Variants in PARD3 observed in about 807,000 individuals in gnomAD.
PARD3 encodes the protein partitioning defective 3 homolog.
A neutral mutation model predicts 155.4 loss-of-function variants in PARD3; 75 were observed. That is an observed-to-expected ratio of 0.48 (90% CI 0.40 to 0.58). The LOEUF (loss-of-function observed/expected upper bound fraction) is 0.58. PARD3 is among the 20% of genes least tolerant of loss of function. The pLI, the probability that PARD3 is intolerant of heterozygous loss-of-function variation, is 0.00. For missense variants in PARD3, 1,642 were observed against 1,721.7 expected (o/e 0.95, Z 0.82); for synonymous variants, 576 against 610.5 (o/e 0.94, Z 0.83).
chr10:34,537,685 A>T (rs1247109735), intron 2 of PARD3, among the ~76,000 whole-genome samples: 5 of 152,234 alleles, frequency 3.3e-5, no homozygotes, highest in Non-Finnish European at 7.3e-5. Context: ...TAATAAGGAG[A>T]CATGACAGCA....
At chr10:34,135,052 T>C (rs1281178253) in intron 22 of PARD3, among the ~76,000 whole-genome samples, 1 of 152,164 alleles carries the variant, frequency 6.6e-6, no homozygotes, top group Non-Finnish European at 1.5e-5. Flanking sequence ...TTGGTCATGA[T>C]TTTTTTGTGT....
At chr10:34,540,561 G>A (rs2083538352) in intron 2 of PARD3, among the ~76,000 whole-genome samples, 1 of 152,168 alleles carries the variant, frequency 6.6e-6, no homozygotes, top group South Asian at 2.1e-4. Flanking sequence ...CGGGAGACAG[G>A]AGACCAGTCT....
At chr10:34,464,688 T>C (rs1564743380) in intron 4 of PARD3, among the ~76,000 whole-genome samples, 1 of 152,146 alleles carries the variant, frequency 6.6e-6, no homozygotes, top group Non-Finnish European at 1.5e-5. Flanking sequence ...CAACACATAA[T>C]ATAACATTAT....
intron 5 of PARD3, among the ~76,000 whole-genome samples, chr10:34,424,632 A>G (rs2075496850): frequency 6.6e-6 from 1 of 152,054 alleles, no homozygotes; most frequent in Non-Finnish European, 1.5e-5. Flanking sequence ...CTCATTTCTC[A>G]GCCTCAGCAG....
At chr10:34,213,551 ATTG>A (rs1951856065) in intron 22 of PARD3, among the ~76,000 whole-genome samples, 1 of 152,330 alleles carries the variant, frequency 6.6e-6, no homozygotes, top group South Asian at 2.1e-4. Flanking sequence ...TGGAAAGCCT[ATTG>A]GTCTAACTTG....
intron 7 of PARD3, among the ~76,000 whole-genome samples, chr10:34,385,457 T>C (rs748264092): frequency 6.6e-6 from 1 of 152,188 alleles, no homozygotes; most frequent in Non-Finnish European, 1.5e-5. Context: ...ATAAATTTTG[T>C]ATCATGATAT....
chr10:34,298,069 T>C (rs1177360937), intron 20 of PARD3, among the ~76,000 whole-genome samples: 2 of 152,128 alleles, frequency 1.3e-5, no homozygotes, highest in South Asian at 2.1e-4. Flanking sequence ...AATTTCCTCT[T>C]TGGTAAAATG....
At chr10:34,269,107 T>G (rs1375539511) in intron 22 of PARD3, among the ~76,000 whole-genome samples, 1 of 152,134 alleles carries the variant, frequency 6.6e-6, no homozygotes, top group Non-Finnish European at 1.5e-5. Flanking sequence ...CAGTTAACAT[T>G]GCACTCCTGT....
At chr10:34,709,044 A>G (rs2094411278) in intron 1 of PARD3, among the ~76,000 whole-genome samples, 1 of 152,226 alleles carries the variant, frequency 6.6e-6, no homozygotes, top group Non-Finnish European at 1.5e-5. Flanking sequence ...ACATGTACAT[A>G]TACATATAAA....
intron 2 of PARD3, among the ~76,000 whole-genome samples, chr10:34,580,301 A>G (rs560239241): frequency 6.6e-6 from 1 of 152,260 alleles, no homozygotes; most frequent in South Asian, 2.1e-4. Flanking sequence ...TGGGAGGCCA[A>G]AGCAGGTAGA....
At chr10:34,492,344 T>G (rs1280556688) in intron 3 of PARD3, among the ~76,000 whole-genome samples, 1 of 152,020 alleles carries the variant, frequency 6.6e-6, no homozygotes, top group Non-Finnish European at 1.5e-5. Context: ...ACCACACACT[T>G]CAAAACACCG....
intron 1 of PARD3, among the ~76,000 whole-genome samples, chr10:34,746,797 G>C (rs1287936306): frequency 2.0e-5 from 3 of 152,126 alleles, no homozygotes; most frequent in African/African-American, 7.2e-5. Context: ...AAATCAATTG[G>C]AAATAACATA....
chr10:34,698,173 T>TGAAA (rs1468638102), intron 1 of PARD3, among the ~76,000 whole-genome samples: 15 of 152,312 alleles, frequency 9.8e-5, no homozygotes, highest in Non-Finnish European at 1.6e-4. Flanking sequence ...ATGTGGCTTA[T>TGAAA]GAAACCATTC....
chr10:34,686,866 T>C (rs1042394465), intron 2 of PARD3, among the ~76,000 whole-genome samples: 1 of 151,744 alleles, frequency 6.6e-6, no homozygotes, highest in African/African-American at 2.4e-5. Flanking sequence ...TTGGCCAACA[T>C]GGTGAAACCC....
intron 14 of PARD3, among the ~76,000 whole-genome samples, chr10:34,356,524 G>A (rs1289473552): frequency 1.3e-5 from 2 of 152,198 alleles, no homozygotes; most frequent in Non-Finnish European, 2.9e-5. Flanking sequence ...ATTTAAAGAT[G>A]AGATAGCAAA....
Position 34,696,406 on chromosome 10 carries a change from C to T in PARD3, c.134G>A (p.Trp45Ter). The change falls in exon 2 of 25, where the codon TGG (tryptophan) becomes TAG (stop). Residue 45 changes from tryptophan to a stop codon, truncating the protein, a stop_gained. Coordinates refer to ENST00000374788, the MANE Select transcript of PARD3 (RefSeq NM_001184785.2). LOFTEE classifies it high-confidence loss of function. ...RKAIAKDPNYWIQVHRLEHGD... is the reference protein window; with the variant it reads ...RKAIAKDPNY ...ATGTTCCAAGCGATGCACCTGTATCCAGTAGTTTGGATCCTATACGAAAGA... is the reference window on the plus strand; with the variant it reads ...ATGTTCCAAGCGATGCACCTGTATCTAGTAGTTTGGATCCTATACGAAAGA... The T allele has an allele frequency of 6.2e-7, 1 of 1,605,050 alleles. No homozygotes were observed. Among genetic ancestry groups the T allele is most frequent in the Non-Finnish European group, 8.5e-7 (1 of 1,171,936 alleles).
intron 22 of PARD3, among the ~76,000 whole-genome samples, chr10:34,134,782 C>T (rs1947806695): frequency 6.6e-6 from 1 of 152,188 alleles, no homozygotes; most frequent in African/African-American, 2.4e-5. Flanking sequence ...GACTGGAAGA[C>T]CGTCAAGCCC....
At chr10:34,512,637 T>C (rs1442371443) in intron 3 of PARD3, among the ~76,000 whole-genome samples, 2 of 152,202 alleles carry the variant, frequency 1.3e-5, no homozygotes, top group African/African-American at 4.8e-5. Flanking sequence ...GGTCATTGAT[T>C]CTAGACCTTT....
chr10:34,661,783 G>A (rs1352048776), intron 2 of PARD3, among the ~76,000 whole-genome samples: 1 of 152,214 alleles, frequency 6.6e-6, no homozygotes, highest in Non-Finnish European at 1.5e-5. Context: ...TGTCAAAGGA[G>A]GGACCGCCCA....
Sources: allele counts gnomAD v4.1 joint callset (sites outside exome capture counted in the v4.1 genomes callset), GRCh38; gene constraint gnomAD v4.1.1; transcripts MANE v1.5; gene names NCBI Gene and HGNC (gene_info 2026-07-23, HGNC 2026-07-21).